Variants in CNTN1 observed in about 807,000 individuals in gnomAD.
CNTN1 encodes contactin-1.
Under a neutral mutation model 126.4 loss-of-function variants are expected in CNTN1, and 38 were observed. That is an observed-to-expected ratio of 0.30 (90% CI 0.23 to 0.39). CNTN1 has a LOEUF of 0.39. CNTN1 is among the 10% of genes least tolerant of loss of function. The probability of loss-of-function intolerance (pLI) is 1.00; values close to 1 mark genes in which losing one functional copy is unlikely to be tolerated. For missense variants in CNTN1, 1,009 were observed against 1,248.4 expected (o/e 0.81, Z 2.89); for synonymous variants, 413 against 422.6 (o/e 0.98, Z 0.28).
intron 16 of CNTN1, among the ~76,000 whole-genome samples, chr12:40,988,588 T>C (rs1015531634): frequency 2.0e-5 from 3 of 152,168 alleles, no homozygotes; most frequent in Non-Finnish European, 2.9e-5. Context: ...CCATGAGGCT[T>C]GATTCTCTTT....
At chr12:40,698,960 A>G (rs1941527263) in intron 1 of CNTN1, among the ~76,000 whole-genome samples, 1 of 152,008 alleles carries the variant, frequency 6.6e-6, no homozygotes, top group Non-Finnish European at 1.5e-5. Context: ...TCTATTCTCT[A>G]CTATAAATAA....
chr12:40,828,301 G>A (rs1050800042), intron 1 of CNTN1: 1 of 152,110 alleles, frequency 6.6e-6, no homozygotes, highest in Non-Finnish European at 1.5e-5. Flanking sequence ...CAACACATAA[G>A]GTAAGTCCAA....
At position 40,925,800 on chromosome 12, in the gene CNTN1, T is replaced by TTATATATATATATATATA. The variant is rs370971706; in HGVS notation, c.496+1160_496+1177dup. 1.1e-3 allele frequency among the ~76,000 whole-genome samples: 123 copies of TTATATATATATATATATA among 116,500 alleles called. 2 individuals carry two copies. The highest frequency in any genetic ancestry group is 4.2e-3 in the African/African-American group (119 of 28,564). The allele number at this position is 116,500 out of a possible 152,430, so 76.4% of individuals were successfully genotyped here. ...CCTTTTTCTTAAGGAACTATTGAAA[T>TTATATATATATATATATA]TATATATATATATATATATATATAT... On this transcript the variant is annotated intron_variant, in intron 6 of 23. Transcript: ENST00000551295.
intron 1 of CNTN1, among the ~76,000 whole-genome samples, chr12:40,820,741 G>C (rs73116785): frequency 0.022 from 3,421 of 152,186 alleles, 128 homozygotes; most frequent in African/African-American, 0.078. Context: ...GAAGATTCAC[G>C]GGAAACCATG....
chr12:40,982,965 T>C (rs542065557), intron 16 of CNTN1, among the ~76,000 whole-genome samples: 28 of 145,904 alleles, frequency 1.9e-4, no homozygotes, highest in Admixed American at 4.1e-4. Context: ...GGGGGGAGGA[T>C]AGCATTAGGA....
chr12:40,741,097 T>A (rs542018812), intron 1 of CNTN1, among the ~76,000 whole-genome samples: 1 of 152,184 alleles, frequency 6.6e-6, no homozygotes, highest in South Asian at 2.1e-4. Context: ...TGATGGTTAG[T>A]AAATGAAGTG....
intron 6 of CNTN1, among the ~76,000 whole-genome samples, chr12:40,925,653 G>A (rs1945644066): frequency 8.0e-6 from 1 of 125,112 alleles, no homozygotes; most frequent in Admixed American, 7.9e-5. Flanking sequence ...AGAGAGAGTT[G>A]TGGTTGTTTA....
chr12:40,766,110 C>G (rs566496614), intron 1 of CNTN1, among the ~76,000 whole-genome samples: 5 of 152,118 alleles, frequency 3.3e-5, no homozygotes, highest in Non-Finnish European at 7.3e-5. Flanking sequence ...GTAGTCCCAG[C>G]ACTTTGGGAG....
chr12:40,801,203 A>G (rs1399858483), intron 1 of CNTN1, among the ~76,000 whole-genome samples: 1 of 151,898 alleles, frequency 6.6e-6, no homozygotes, highest in Non-Finnish European at 1.5e-5. Flanking sequence ...CATCACGGTA[A>G]ATGGTAATTC....
At chr12:41,007,152 C>T (rs1473175058) in intron 17 of CNTN1, among the ~76,000 whole-genome samples, 13 of 142,054 alleles carry the variant, frequency 9.2e-5, no homozygotes, top group Admixed American at 2.2e-4. Context: ...CTCCGCCTCC[C>T]GGGTTCACGC....
intron 2 of CNTN1, among the ~76,000 whole-genome samples, chr12:40,908,832 G>T (rs1481256843): frequency 6.6e-6 from 1 of 152,092 alleles, no homozygotes; most frequent in African/African-American, 2.4e-5. Flanking sequence ...CTGGAAAGAT[G>T]TGCAACCGCT....
At chr12:40,725,171 G>T (rs1168909537) in intron 1 of CNTN1, among the ~76,000 whole-genome samples, 1 of 152,094 alleles carries the variant, frequency 6.6e-6, no homozygotes, top group Non-Finnish European at 1.5e-5. Context: ...GGAGGCCAAG[G>T]CCGGTGGATC....
intron 16 of CNTN1, among the ~76,000 whole-genome samples, chr12:40,991,320 C>T (rs1251523777): frequency 6.6e-6 from 1 of 151,902 alleles, no homozygotes; most frequent in Non-Finnish European, 1.5e-5. Context: ...TTAGAGCCCA[C>T]CTAGAAAATT....
intron 13 of CNTN1, 89 bp downstream of exon 13, chr12:40,943,813 G>C (rs553058311): frequency 6.6e-7 from 1 of 1,519,048 alleles, no homozygotes; most frequent in Non-Finnish European, 9.0e-7. Flanking sequence ...GTATTTGTAA[G>C]TTTCTTTTTC....
intron 17 of CNTN1, among the ~76,000 whole-genome samples, chr12:40,996,084 G>A (rs545306232): frequency 3.2e-4 from 48 of 151,856 alleles, no homozygotes; most frequent in African/African-American, 1.0e-3. Flanking sequence ...TGGAATGCCC[G>A]CATTATTATC....
chr12:40,988,965 A>C (rs12829443), intron 16 of CNTN1, among the ~76,000 whole-genome samples: 7,695 of 152,304 alleles, frequency 0.051, 279 homozygotes, highest in Non-Finnish European at 0.075. Context: ...CTCCTGATCC[A>C]TCCCCAGTAT....
chr12:40,913,279 A>G (rs1592246892), intron 3 of CNTN1, among the ~76,000 whole-genome samples: 1 of 152,354 alleles, frequency 6.6e-6, no homozygotes, highest in East Asian at 1.9e-4. Flanking sequence ...GGCTAAGCCC[A>G]TCTTCTGTTA....
intron 14 of CNTN1, among the ~76,000 whole-genome samples, chr12:40,956,013 T>G (rs1263312189): frequency 6.6e-6 from 1 of 152,120 alleles, no homozygotes; most frequent in East Asian, 1.9e-4. Context: ...TGAAGGTGTG[T>G]GTACTTCACT....
In CNTN1 at chr12:41,007,302, C is replaced by T. The variant is rs537386623; in HGVS notation, c.2114-6926C>T. ...GTCTTGATCTCCTGACCTTGTGATC[C>T]GCCCGCCTCGGCCTCCCAAAGTGCT... On this transcript the variant is annotated intron_variant, in intron 17 of 23. Transcript: ENST00000551295. Among the ~76,000 whole-genome samples, 340 of 151,940 alleles carry T rather than the reference C, an allele frequency of 2.2e-3. 1 individual carries two copies. The highest frequency in any genetic ancestry group is 7.3e-3 in the African/African-American group (303 of 41,484).
Sources: gnomAD v4.1 joint callset for allele counts (sites outside exome capture counted in the v4.1 genomes callset) on GRCh38, gnomAD v4.1.1 for gene constraint, MANE v1.5 for transcripts, NCBI Gene and HGNC (gene_info 2026-07-23, HGNC 2026-07-21) for gene names.